The following ST6GALNAC3 variants were observed in gnomAD, a reference collection of about 807,000 sequenced individuals.
ST6GALNAC3 encodes alpha-N-acetylgalactosaminide alpha-2,6-sialyltransferase 3.
ST6GALNAC3 carries 25 observed loss-of-function variants against 32.7 expected under a neutral mutation model. That is an observed-to-expected ratio of 0.76 (90% CI 0.56 to 1.07). ST6GALNAC3 has a LOEUF of 1.07. Ranked by LOEUF, ST6GALNAC3 falls within the 50% of genes least tolerant of loss-of-function variation. ST6GALNAC3 has a pLI of 0.00. For synonymous variants in ST6GALNAC3, 129 were observed against 133.1 expected, an observed-to-expected ratio of 0.97 and a Z score of 0.21; for missense variants, 355 against 382.4, an observed-to-expected ratio of 0.93 and a Z score of 0.60.
intron 1 of ST6GALNAC3, among the ~76,000 whole-genome samples, chr1:76,115,432 A>G (rs1019154675): frequency 1.3e-5 from 2 of 152,224 alleles, no homozygotes. Flanking sequence ...TTCCAAAGCC[A>G]TACTTAGTAT....
chr1:76,580,243 G>GGCCTGTAAGAGGCTCTAA (rs1646873168), intron 3 of ST6GALNAC3, among the ~76,000 whole-genome samples: 1 of 151,920 alleles, frequency 6.6e-6, no homozygotes, highest in African/African-American at 2.4e-5. Flanking sequence ...TCCCATCTTT[G>GGCCTGTAAGAGGCTCTAA]GCCTGTAAGA....
At chr1:76,338,197 A>T (rs1477244031) in intron 2 of ST6GALNAC3, among the ~76,000 whole-genome samples, 1 of 152,194 alleles carries the variant, frequency 6.6e-6, no homozygotes, top group African/African-American at 2.4e-5. Flanking sequence ...TTTAACAAAA[A>T]GTCTGCCAGG....
At chr1:76,166,568 T>C (rs887325970) in intron 1 of ST6GALNAC3, among the ~76,000 whole-genome samples, 5 of 152,222 alleles carry the variant, frequency 3.3e-5, no homozygotes, top group African/African-American at 1.2e-4. Context: ...GGAATAGCAT[T>C]GAATCTATAA....
At chr1:76,378,774 A>G (rs79039479) in intron 2 of ST6GALNAC3, among the ~76,000 whole-genome samples, 11,489 of 152,228 alleles carry the variant, frequency 0.075, 479 homozygotes, top group Middle Eastern at 0.12. Context: ...GGCTATTGTA[A>G]CCATGTAGAG....
At chr1:76,367,124 A>G (rs1244775898) in intron 2 of ST6GALNAC3, among the ~76,000 whole-genome samples, 3 of 152,232 alleles carry the variant, frequency 2.0e-5, no homozygotes, top group Non-Finnish European at 4.4e-5. Context: ...AATAGGAGTT[A>G]ATACCAAAAA....
chr1:76,360,569 A>G (rs1350476767), intron 2 of ST6GALNAC3, among the ~76,000 whole-genome samples: 5 of 152,118 alleles, frequency 3.3e-5, no homozygotes, highest in African/African-American at 9.7e-5. Context: ...ATGCCAGTCT[A>G]TTTTCTTGCT....
intron 3 of ST6GALNAC3, among the ~76,000 whole-genome samples, chr1:76,573,831 G>A (rs1646753758): frequency 6.6e-6 from 1 of 151,406 alleles, no homozygotes; most frequent in Admixed American, 6.6e-5. Context: ...AGGAAGTAAT[G>A]AATGGTCTGG....
intron 1 of ST6GALNAC3, among the ~76,000 whole-genome samples, chr1:76,191,338 G>C (rs1331989133): frequency 6.6e-6 from 1 of 151,964 alleles, no homozygotes; most frequent in Admixed American, 6.6e-5. Flanking sequence ...AAACCGAGTA[G>C]AACCACAGTT....
intron 3 of ST6GALNAC3, among the ~76,000 whole-genome samples, chr1:76,619,672 A>G (rs1458481359): frequency 6.6e-6 from 1 of 152,168 alleles, no homozygotes; most frequent in Non-Finnish European, 1.5e-5. Context: ...CATAATGTAA[A>G]AAAGAAAAAT....
intron 2 of ST6GALNAC3, among the ~76,000 whole-genome samples, chr1:76,335,665 G>A (rs982288834): frequency 6.6e-5 from 10 of 152,094 alleles, no homozygotes; most frequent in East Asian, 3.8e-4. Context: ...AAATGATGTC[G>A]TTCAAGGACT....
chr1:76,367,102 T>C (rs1310025360), intron 2 of ST6GALNAC3, among the ~76,000 whole-genome samples: 1 of 152,140 alleles, frequency 6.6e-6, no homozygotes, highest in Non-Finnish European at 1.5e-5. Flanking sequence ...GCTAATCCCT[T>C]GGTGTGAAGA....
chr1:76,494,183 G>A (rs148699461), intron 3 of ST6GALNAC3, among the ~76,000 whole-genome samples: 106 of 151,560 alleles, frequency 7.0e-4, no homozygotes, highest in African/African-American at 2.2e-3. Context: ...ATGGTATCTC[G>A]ACCACATCCT....
intron 3 of ST6GALNAC3, among the ~76,000 whole-genome samples, chr1:76,479,626 C>T (rs1659593730): frequency 6.6e-6 from 1 of 152,120 alleles, no homozygotes. Context: ...CAGAAACACA[C>T]TCCCATGATA....
downstream of ST6GALNAC3, chr1:76,637,317 A>G (rs1029263151): frequency 6.6e-6 from 1 of 152,062 alleles, no homozygotes; most frequent in Non-Finnish European, 1.5e-5. Context: ...TTTCCTGCAA[A>G]TTAAAATGGT....
intron 2 of ST6GALNAC3, among the ~76,000 whole-genome samples, chr1:76,402,002 C>G (rs753538607): frequency 2.9e-4 from 44 of 151,552 alleles, no homozygotes; most frequent in Middle Eastern, 3.4e-3. Context: ...TTCCTACCAT[C>G]TTGTTAAGTC....
intron 1 of ST6GALNAC3, among the ~76,000 whole-genome samples, chr1:76,089,068 A>AT (rs1647004042): frequency 1.3e-5 from 2 of 152,008 alleles, no homozygotes; most frequent in African/African-American, 2.4e-5. Flanking sequence ...TCGCTCTGTC[A>AT]CCCAGGCTGG....
intron 3 of ST6GALNAC3, among the ~76,000 whole-genome samples, chr1:76,433,078 T>C (rs1655888829): frequency 6.6e-6 from 1 of 152,130 alleles, no homozygotes; most frequent in Non-Finnish European, 1.5e-5. Context: ...TTTCTCTGTA[T>C]CTCTTTGTTC....
intron 3 of ST6GALNAC3, among the ~76,000 whole-genome samples, chr1:76,529,525 C>T (rs1486478092): frequency 6.6e-6 from 1 of 152,134 alleles, no homozygotes; most frequent in Non-Finnish European, 1.5e-5. Flanking sequence ...TTTTCAACAG[C>T]ACTGTTATTT....
chr1:76,395,079 G>C (rs182485256), intron 2 of ST6GALNAC3, among the ~76,000 whole-genome samples: 1 of 152,162 alleles, frequency 6.6e-6, no homozygotes, highest in African/African-American at 2.4e-5. Context: ...ACAATATTAA[G>C]TGCTTAAGAT....
Sources: allele counts gnomAD v4.1 joint callset (sites outside exome capture counted in the v4.1 genomes callset), GRCh38; gene constraint gnomAD v4.1.1; transcripts MANE v1.5; gene names NCBI Gene and HGNC (gene_info 2026-07-23, HGNC 2026-07-21).